The following TNS3 variants were observed in gnomAD, a reference collection of about 807,000 sequenced individuals.
TNS3 encodes the protein tensin-3.
In TNS3, 45 loss-of-function variants were observed where a neutral mutation model predicts 140.9. The ratio of observed to expected loss-of-function variants is 0.32; its 90% CI spans 0.25 to 0.41. The LOEUF is 0.41. TNS3 is among the 10% of genes least tolerant of loss of function. TNS3 has a pLI of 1.00. For synonymous variants in TNS3, 815 were observed against 788.4 expected (o/e 1.03, Z -0.56); for missense variants, 1,716 against 1,906.7 (o/e 0.90, Z 1.86).
chr7:47,479,612 G>A (rs1361095935), intron 4 of TNS3, among the ~76,000 whole-genome samples: 1 of 152,192 alleles, frequency 6.6e-6, no homozygotes, highest in East Asian at 1.9e-4. Flanking sequence ...CTCAGCTCTT[G>A]ATGCTGCAAC....
intron 20 of TNS3, among the ~76,000 whole-genome samples, chr7:47,330,039 A>G (rs1451155386): frequency 1.3e-5 from 2 of 152,216 alleles, no homozygotes; most frequent in African/African-American, 4.8e-5. Flanking sequence ...CAGGGACTAA[A>G]GTGATTTCAA....
chr7:47,458,142 G>C (rs901027727), intron 4 of TNS3, among the ~76,000 whole-genome samples: 5 of 151,806 alleles, frequency 3.3e-5, no homozygotes, highest in Non-Finnish European at 5.9e-5. Flanking sequence ...TTTCTTACAG[G>C]TGAGGAAATA....
Position 47,415,133 on chromosome 7 carries a change from C to T in TNS3, c.547G>A (p.Val183Ile), listed in dbSNP as rs768391549. 6.2e-7 allele frequency: 1 copy of T among 1,612,296 alleles called. No individual in the cohort carries two copies. The highest frequency in any genetic ancestry group is 8.5e-7 in the Non-Finnish European group (1 of 1,179,276). Residue 183 changes from valine (V) to isoleucine (I), a missense_variant, in exon 11 of 31, where the codon GTC becomes ATC. Physicochemically the swap from Val to Ile is conservative, Grantham distance 29 (BLOSUM62 3). Transcript: ENST00000311160. ...AAGTTGGGGGTGCCGTGGAGGATGA[C>T]AAAATGCAGGAACAGGGGAGAGGCA... ...MNASPLFLHF[V>I]ILHGTPNFDT...
Position 47,377,333 on chromosome 7 carries a change from C to T in TNS3, c.1025-7712G>A, listed in dbSNP as rs117493417. On this transcript the variant is annotated intron_variant, in intron 16 of 30. Transcript: ENST00000311160. Reference sequence around the variant, plus strand: ...CCTGGAGGGGTCTCAAGGACTATGCCGAGTGAACACTGCCAGACTCAAAGG... The same window carrying T: ...CCTGGAGGGGTCTCAAGGACTATGCTGAGTGAACACTGCCAGACTCAAAGG... Among the ~76,000 whole-genome samples, 946 of 152,240 alleles carry T rather than the reference C, an allele frequency of 6.2e-3. 30 individuals carry two copies. Among genetic ancestry groups the T allele is most frequent in the Admixed American group, 0.048 (727 of 15,294 alleles).
chr7:47,489,463 C>T (rs536659401), intron 3 of TNS3, among the ~76,000 whole-genome samples: 130 of 152,300 alleles, frequency 8.5e-4, no homozygotes, highest in South Asian at 5.4e-3. Flanking sequence ...TGCCCCTATC[C>T]CAGATGGGCT....
intron 3 of TNS3, among the ~76,000 whole-genome samples, chr7:47,495,767 G>T (rs1040969948): frequency 6.6e-6 from 1 of 152,224 alleles, no homozygotes; most frequent in Non-Finnish European, 1.5e-5. Flanking sequence ...GTGGAAGAAT[G>T]ACTGTAGTAG....
At chr7:47,415,023 T>C in intron 11 of TNS3, 71 bp downstream of exon 11, 1 of 1,166,092 alleles carries the variant, frequency 8.6e-7, no homozygotes, top group Admixed American at 2.3e-5. Flanking sequence ...CTTATCTAAA[T>C]TGAGGGGCCC....
chr7:47,409,235 G>A (rs1295843513), intron 13 of TNS3, among the ~76,000 whole-genome samples: 1 of 152,212 alleles, frequency 6.6e-6, no homozygotes, highest in Non-Finnish European at 1.5e-5. Context: ...TGGGAAGAGA[G>A]GAGAGGAGCC....
intron 17 of TNS3, 39 bp downstream of exon 17, chr7:47,368,326 C>T (rs1238704600): frequency 8.3e-6 from 12 of 1,437,154 alleles, no homozygotes; most frequent in African/African-American, 1.4e-5. Context: ...TCCCGTGGAG[C>T]ACCTCCCGTG....
rs117858556 is a variant in TNS3, at chr7:47,566,902, G to A, written c.-265+15149C>T. The stretch of plus-strand genomic sequence containing the variant: ...TAACAATACAGAAAATCAGCTGGAC[G>A]TGGTGGGTGTGTGCCTATAGTCCCA... On this transcript the variant is annotated intron_variant, in intron 1 of 30. Coordinates refer to ENST00000311160, the MANE Select transcript of TNS3 (RefSeq NM_022748.12). Among the ~76,000 whole-genome samples, 654 of 151,988 alleles carry A rather than the reference G, an allele frequency of 4.3e-3. 2 individuals carry two copies. Among genetic ancestry groups the A allele is most frequent in the Non-Finnish European group, 6.2e-3 (423 of 67,976 alleles).
Position 47,303,817 on chromosome 7 carries a change from C to T in TNS3, c.2823-233G>A, listed in dbSNP as rs1786575822. 2.0e-5 allele frequency among the ~76,000 whole-genome samples: 3 copies of T among 152,192 alleles called. No individual in the cohort carries two copies. In the South Asian group the frequency reaches 6.2e-4, roughly 31 times the overall value. On this transcript the variant is annotated intron_variant, in intron 21 of 30. Transcript: ENST00000311160. Reference sequence around the variant, plus strand: ...GGATGCTGCAGCCCGCATGAGGGCACCCAGGGGAGCCGCCCCATGAAGGCC... The same window carrying T: ...GGATGCTGCAGCCCGCATGAGGGCATCCAGGGGAGCCGCCCCATGAAGGCC...
intron 1 of TNS3, among the ~76,000 whole-genome samples, chr7:47,580,518 C>A (rs1314562199): frequency 6.7e-6 from 1 of 150,160 alleles, no homozygotes; most frequent in Non-Finnish European, 1.5e-5. Flanking sequence ...CCCCCCACCC[C>A]CTGTGCTACC....
In TNS3 at chr7:47,438,219, C is replaced by T. The variant is rs371203677; in HGVS notation, c.151-906G>A. Among the ~76,000 whole-genome samples the T allele has an allele frequency of 1.2e-3, 186 of 152,274 alleles. 1 individual carries two copies. The highest frequency in any genetic ancestry group is 3.8e-3 in the African/African-American group (159 of 41,536). ...AGGGGGGGCGCTGCTTTGTGACCCACAGTTCATTTCTAACCCTGCACAAGA... is the reference window on the plus strand; with the variant it reads ...AGGGGGGGCGCTGCTTTGTGACCCATAGTTCATTTCTAACCCTGCACAAGA... On this transcript the variant is annotated intron_variant, in intron 6 of 30. Transcript: ENST00000311160.
intron 4 of TNS3, among the ~76,000 whole-genome samples, chr7:47,449,024 G>A (rs1038754924): frequency 6.6e-6 from 1 of 152,184 alleles, no homozygotes; most frequent in Non-Finnish European, 1.5e-5. Flanking sequence ...AATGTCCAAT[G>A]CCTGCCTGAG....
At chr7:47,297,294 T>C (rs1321352006) in intron 23 of TNS3, 81 bp from the exon 24 acceptor site, 61 of 1,447,284 alleles carry the variant, frequency 4.2e-5, no homozygotes, top group Non-Finnish European at 5.4e-5. Flanking sequence ...GGGTAGGTCC[T>C]CTCCCCTTAC....
intron 4 of TNS3, among the ~76,000 whole-genome samples, chr7:47,473,150 G>A (rs929752868): frequency 6.6e-5 from 10 of 152,206 alleles, no homozygotes; most frequent in African/African-American, 2.4e-4. Context: ...ACCACTCTGT[G>A]ATGACTGAGT....
At chr7:47,507,617 A>G (rs334499) in intron 2 of TNS3, among the ~76,000 whole-genome samples, 93,903 of 152,052 alleles carry the variant, frequency 0.62, 30,181 homozygotes, top group Non-Finnish European at 0.71. Context: ...AATGCAATGC[A>G]GAGCTGGAAC....
intron 28 of TNS3, among the ~76,000 whole-genome samples, chr7:47,282,449 G>T (rs1001309786): frequency 2.0e-5 from 3 of 150,640 alleles, no homozygotes; most frequent in African/African-American, 7.3e-5. Flanking sequence ...CTATGTCCCT[G>T]ACCCTGAGTC....
intron 16 of TNS3, among the ~76,000 whole-genome samples, chr7:47,394,098 T>C (rs539691840): frequency 2.0e-5 from 3 of 152,286 alleles, no homozygotes; most frequent in South Asian, 2.1e-4. Flanking sequence ...CCAATGGGAA[T>C]TGTGATTTGT....
Sources: gnomAD v4.1 joint callset for allele counts (sites outside exome capture counted in the v4.1 genomes callset) on GRCh38, gnomAD v4.1.1 for gene constraint, MANE v1.5 for transcripts, NCBI Gene and HGNC (gene_info 2026-07-23, HGNC 2026-07-21) for gene names.